The following WARS1 variants were observed in gnomAD, a reference collection of about 807,000 sequenced individuals.
The protein encoded by WARS1 is tryptophanyl-tRNA synthetase 1, also known as tryptophan--tRNA ligase, cytoplasmic.
WARS1 carries 17 observed loss-of-function variants against 47.8 expected under a neutral mutation model. That is an observed-to-expected ratio of 0.36 (90% CI 0.24 to 0.53). WARS1 has a LOEUF of 0.53. Among genes scored for constraint, WARS1 ranks in the 20% least tolerant of loss-of-function variants. WARS1 has a pLI of 0.91. For missense variants in WARS1, 434 were observed against 608.0 expected (o/e 0.71, Z 3.01); for synonymous variants, 208 against 228.1 (o/e 0.91, Z 0.79).
chr14:100,346,374 CCTT>C (rs1262217519), intron 7 of WARS1, among the ~76,000 whole-genome samples: 1 of 152,186 alleles, frequency 6.6e-6, no homozygotes, highest in Non-Finnish European at 1.5e-5. Context: ...ACCCAGCTGT[CCTT>C]CTTCATCACC....
intron 5 of WARS1, chr14:100,354,110 T>C (rs1461169597): frequency 7.5e-6 from 4 of 530,412 alleles, no homozygotes; most frequent in Non-Finnish European, 1.3e-5. Flanking sequence ...TTTGAAGCTT[T>C]ACAGTAGTTC....
chr14:100,352,273 G>A (rs921033875), intron 6 of WARS1, among the ~76,000 whole-genome samples: 1 of 151,328 alleles, frequency 6.6e-6, no homozygotes, highest in South Asian at 2.1e-4. Flanking sequence ...CACCACACCC[G>A]GCTAATTTTT....
At chr14:100,338,872 C>T (rs549384548) in intron 9 of WARS1, among the ~76,000 whole-genome samples, 53 of 151,320 alleles carry the variant, frequency 3.5e-4, no homozygotes, top group African/African-American at 1.1e-3. Flanking sequence ...TTTGGGAGGC[C>T]GAGGCAGGCA....
intron 10 of WARS1, 135 bp downstream of exon 10, chr14:100,336,927 C>A: frequency 8.1e-7 from 1 of 1,228,366 alleles, no homozygotes; most frequent in South Asian, 1.6e-5. Flanking sequence ...GAGGGCGAGT[C>A]TACTCAGTTT....
chr14:100,336,598 C>T (rs1005908056), intron 10 of WARS1, among the ~76,000 whole-genome samples: 1 of 152,158 alleles, frequency 6.6e-6, no homozygotes, highest in African/African-American at 2.4e-5. Flanking sequence ...AATGAGAAAA[C>T]CTGAGGAGAA....
At chr14:100,346,878 G>A (rs927843524) in intron 6 of WARS1, 32 bp from the exon 7 acceptor site, 31 of 1,590,944 alleles carry the variant, frequency 1.9e-5, no homozygotes, top group Non-Finnish European at 2.2e-5. Context: ...AATCCCAAAC[G>A]GAGGGCGGCC....
chr14:100,354,238 A>T (rs1239307782), intron 5 of WARS1: 1 of 605,772 alleles, frequency 1.7e-6, no homozygotes, highest in African/African-American at 1.9e-5. Flanking sequence ...GGCCTGGCTG[A>T]CTCCAAAGCT....
chr14:100,340,813 G>C (rs1179194488), intron 9 of WARS1, among the ~76,000 whole-genome samples: 1 of 152,010 alleles, frequency 6.6e-6, no homozygotes, highest in Non-Finnish European at 1.5e-5. Flanking sequence ...GTAGGCCTCT[G>C]TTTTTCCTGA....
intron 2 of WARS1, chr14:100,368,453 T>G (rs1566867060): frequency 2.2e-6 from 1 of 456,006 alleles, no homozygotes. Flanking sequence ...CATTTCCACC[T>G]GAAAGACCCC....
intron 6 of WARS1, among the ~76,000 whole-genome samples, chr14:100,350,495 C>T (rs1414474869): frequency 1.3e-5 from 2 of 150,414 alleles, no homozygotes; most frequent in African/African-American, 2.5e-5. Context: ...CGAGGAATGG[C>T]GGCCTCACTC....
intron 6 of WARS1, among the ~76,000 whole-genome samples, chr14:100,347,396 A>G (rs145957820): frequency 6.6e-6 from 1 of 152,230 alleles, no homozygotes; most frequent in East Asian, 1.9e-4. Context: ...AACTAACCCT[A>G]TCCACAGCAA....
chr14:100,354,421 GAA>G, intron 5 of WARS1, 24 bp downstream of exon 5: 1 of 1,606,012 alleles, frequency 6.2e-7, no homozygotes, highest in Non-Finnish European at 8.5e-7. Context: ...AAGAGAGTAA[GAA>G]AAGCCATAAG....
chr14:100,374,025 T>A (rs567136459), intron 1 of WARS1: 8 of 152,354 alleles, frequency 5.3e-5, no homozygotes, highest in African/African-American at 1.7e-4. Context: ...CAGAATTGAG[T>A]TGAACTTCAG....
At chr14:100,363,117 C>T (rs950968513) in intron 2 of WARS1, among the ~76,000 whole-genome samples, 2 of 152,102 alleles carry the variant, frequency 1.3e-5, no homozygotes, top group East Asian at 1.9e-4. Context: ...CAGTTTAGTA[C>T]GTATAATCTA....
At chr14:100,341,437 C>T (rs1894157393) in intron 9 of WARS1, among the ~76,000 whole-genome samples, 1 of 152,182 alleles carries the variant, frequency 6.6e-6, no homozygotes, top group Non-Finnish European at 1.5e-5. Context: ...CCATTGTCAA[C>T]CAGAACCTGC....
chr14:100,344,648 T>G (rs1204594843), intron 7 of WARS1, among the ~76,000 whole-genome samples: 1 of 139,478 alleles, frequency 7.2e-6, no homozygotes, highest in South Asian at 2.3e-4. Context: ...GAGCGCCTCT[T>G]CCCGGCCGCC....
chr14:100,353,701 G>A lies in WARS1; in HGVS notation c.711C>T (p.Asp237=), dbSNP rs2140002409. Residue 237 remains aspartate, a synonymous_variant, in exon 6 of 11, where the codon GAC becomes GAT. Coordinates refer to ENST00000392882, the MANE Select transcript of WARS1 (RefSeq NM_004184.4). ...TTTCTCCTTACCCCATGTAGTCCAG[G>A]TCAGAGAATATGAAAGTCTTGTTGA... ...FDINKTFIFS[D]LDYMGMSSGF... 2 of 1,614,170 alleles carry A rather than the reference G, an allele frequency of 1.2e-6. No homozygotes were observed. The highest frequency in any genetic ancestry group is 4.5e-5 in the East Asian group (2 of 44,890).
intron 2 of WARS1, among the ~76,000 whole-genome samples, chr14:100,367,608 C>CAAAAAAAAA (rs35916618): frequency 3.4e-5 from 1 of 29,768 alleles, no homozygotes. Flanking sequence ...GGTGGGGTGG[C>CAAAAAAAAA]AAAAAAAAAA....
At chr14:100,365,907 T>TA (rs1895958068) in intron 2 of WARS1, 3 of 420,942 alleles carry the variant, frequency 7.1e-6, no homozygotes, top group Admixed American at 2.5e-5. Flanking sequence ...TGTACACTGT[T>TA]ACGGAATCAC....
Sources: allele counts gnomAD v4.1 joint callset (sites outside exome capture counted in the v4.1 genomes callset), GRCh38; gene constraint gnomAD v4.1.1; transcripts MANE v1.5; gene names NCBI Gene and HGNC (gene_info 2026-07-23, HGNC 2026-07-21).